Variants in CLASP2 observed in about 807,000 individuals in gnomAD.
CLASP2 encodes CLIP-associating protein 2.
In CLASP2, 47 loss-of-function variants were observed where a neutral mutation model predicts 194.4. That is an observed-to-expected ratio of 0.24 (90% CI 0.19 to 0.31). The LOEUF (loss-of-function observed/expected upper bound fraction) is 0.31, where lower values mean the gene tolerates loss of function less well. CLASP2 is among the 10% of genes least tolerant of loss of function. CLASP2 has a pLI of 1.00. For missense variants in CLASP2, 1,445 were observed against 1,823.6 expected, an observed-to-expected ratio of 0.79 and a Z score of 3.78; for synonymous variants, 619 against 633.5, an observed-to-expected ratio of 0.98 and a Z score of 0.34.
At chr3:33,513,924 T>C (rs571718385) in intron 36 of CLASP2, among the ~76,000 whole-genome samples, 1 of 152,238 alleles carries the variant, frequency 6.6e-6, no homozygotes, top group Non-Finnish European at 1.5e-5. Flanking sequence ...TCCCATTCTA[T>C]GAGTTGCCTT....
At chr3:33,555,254 A>T (rs2060717816) in intron 29 of CLASP2, among the ~76,000 whole-genome samples, 1 of 152,202 alleles carries the variant, frequency 6.6e-6, no homozygotes, top group South Asian at 2.1e-4. Context: ...ATTGCAAAAA[A>T]ACAAAAGTTG....
chr3:33,530,078 T>C (rs145612999), intron 34 of CLASP2, among the ~76,000 whole-genome samples: 2 of 143,808 alleles, frequency 1.4e-5, no homozygotes, highest in African/African-American at 5.1e-5. Flanking sequence ...TCTTGTGGAA[T>C]ACCTCCTGAA....
At position 33,538,010 on chromosome 3, in the gene CLASP2, G is replaced by A. The variant is rs556909864; in HGVS notation, c.3558+779C>T. Among the ~76,000 whole-genome samples the A allele has an allele frequency of 1.7e-4, 26 of 152,192 alleles. No homozygotes were observed. The East Asian group carries it at 3.7e-3, about 22-fold the overall frequency. On this transcript the variant is annotated intron_variant, in intron 33 of 38. Transcript: ENST00000682230. Reference sequence around the variant, plus strand: ...CAACAAATTAGCCGGGCATGGTGGCGGGCGCCTGTAGTCCCAGCTACTCAG... The same window carrying A: ...CAACAAATTAGCCGGGCATGGTGGCAGGCGCCTGTAGTCCCAGCTACTCAG...
intron 21 of CLASP2, among the ~76,000 whole-genome samples, chr3:33,587,812 C>T (rs1478291186): frequency 1.3e-5 from 2 of 152,190 alleles, no homozygotes; most frequent in Non-Finnish European, 1.5e-5. Flanking sequence ...CATGCCACAA[C>T]TCACAATGCA....
chr3:33,662,308 C>T (rs1013334379), intron 7 of CLASP2, among the ~76,000 whole-genome samples: 1 of 152,162 alleles, frequency 6.6e-6, no homozygotes, highest in African/African-American at 2.4e-5. Context: ...CACAAACGAT[C>T]ATGTTATGAA....
At position 33,584,860 on chromosome 3, in the gene CLASP2, C is replaced by A; in HGVS notation, c.2129G>T (p.Ser710Ile). 6.2e-7 allele frequency: 1 copy of A among 1,613,902 alleles called. No individual in the cohort carries two copies. The highest frequency in any genetic ancestry group is 1.1e-5 in the South Asian group (1 of 91,084). ...GACCAGGACTCTTTGAACACCAGAG[C>A]TCACAGTGGACAGGGCTGTTGTGGT... ...VLTTTALSTV[S>I]SGVQRVLVNS... Residue 710 changes from serine (S) to isoleucine (I), a missense_variant, in exon 22 of 39, where the codon AGC (serine) becomes ATC (isoleucine). Around this residue, in one of 4 missense-constraint regions of CLASP2, gnomAD observed 732 missense variants for 987.9 expected, o/e 0.74. Transcript: ENST00000682230.
At chr3:33,545,766 C>T (rs1486016239) in intron 30 of CLASP2, among the ~76,000 whole-genome samples, 1 of 151,866 alleles carries the variant, frequency 6.6e-6, no homozygotes, top group East Asian at 1.9e-4. Context: ...AAAAACTAGC[C>T]GGGTGTGGTG....
At chr3:33,635,221 G>A (rs556179820) in intron 8 of CLASP2, among the ~76,000 whole-genome samples, 5 of 151,852 alleles carry the variant, frequency 3.3e-5, no homozygotes, top group East Asian at 1.9e-4. Context: ...AACTGAGATC[G>A]TGCCACTGCA....
At chr3:33,597,731 T>C (rs1455276519) in intron 18 of CLASP2, among the ~76,000 whole-genome samples, 4 of 151,644 alleles carry the variant, frequency 2.6e-5, no homozygotes, top group Non-Finnish European at 4.4e-5. Context: ...ACATGTTGCA[T>C]TGCTGTATTT....
Position 33,709,048 on chromosome 3 carries a change from T to C in CLASP2, c.195+8760A>G, listed in dbSNP as rs182480408. Among the ~76,000 whole-genome samples the C allele has an allele frequency of 2.0e-5, 3 of 152,318 alleles. No individual in the cohort carries two copies. In the East Asian group the frequency reaches 5.8e-4, roughly 29 times the overall value. ...TTTGCCAGTATTTTCTCCCATTCAG[T>C]AGAATGCCATTTTGTTTTGTTGATT... On this transcript the variant is annotated intron_variant, in intron 1 of 38. Transcript: ENST00000682230.
chr3:33,602,629 A>G, intron 18 of CLASP2: 1 of 735,032 alleles, frequency 1.4e-6, no homozygotes, highest in Non-Finnish European at 2.5e-6. Flanking sequence ...AAAACAGGAA[A>G]GTTAGATACA....
intron 6 of CLASP2, among the ~76,000 whole-genome samples, chr3:33,676,323 GC>G (rs2088621971): frequency 6.6e-6 from 1 of 150,880 alleles, no homozygotes; most frequent in Non-Finnish European, 1.5e-5. Flanking sequence ...AGAAAAACAA[GC>G]AATGGGGAAA....
chr3:33,717,900 G>A lies in CLASP2; in HGVS notation c.103C>T (p.Pro35Ser). The change falls in exon 1 of 39, where the codon CCC becomes TCC. Residue 35 changes from proline to serine, a missense_variant. Pro to Ser is a moderately conservative substitution (Grantham distance 74). Around this residue, in one of 4 missense-constraint regions of CLASP2, gnomAD observed 332 missense variants for 325.3 expected, o/e 1.02. Transcript: ENST00000682230. ...GQELLLYLGA[P>S]GAISDLEEDL... ...TCCTCCAGGTCCGAGATGGCGCCGG[G>A]GGCGCCAAGGTAGAGCAGGAGCTCC... is the stretch of plus-strand genomic sequence containing the variant. 7.1e-6 allele frequency: 11 copies of A among 1,555,138 alleles called. No homozygotes were observed. Among genetic ancestry groups the A allele is most frequent in the Non-Finnish European group, 9.6e-6 (11 of 1,150,020 alleles).
chr3:33,549,949 C>T (rs1393983055), intron 30 of CLASP2, among the ~76,000 whole-genome samples: 1 of 151,936 alleles, frequency 6.6e-6, no homozygotes, highest in Non-Finnish European at 1.5e-5. Flanking sequence ...GTTGCTCAGG[C>T]TGGGCTCAAG....
intron 20 of CLASP2, 48 bp from the exon 21 acceptor site, chr3:33,592,544 T>C (rs2069044168): frequency 7.2e-7 from 1 of 1,396,508 alleles, no homozygotes; most frequent in Non-Finnish European, 9.9e-7. Flanking sequence ...TCTATAATAA[T>C]GTTTAATAAT....
chr3:33,634,239 T>A (rs558691485), intron 8 of CLASP2, among the ~76,000 whole-genome samples: 1 of 152,220 alleles, frequency 6.6e-6, no homozygotes, highest in Admixed American at 6.5e-5. Context: ...CTAAACTGTG[T>A]ACCTAGCAAA....
intron 6 of CLASP2, among the ~76,000 whole-genome samples, chr3:33,681,999 C>T (rs1012819783): frequency 2.0e-5 from 3 of 152,160 alleles, no homozygotes; most frequent in Non-Finnish European, 4.4e-5. Flanking sequence ...CTGCAAACAC[C>T]ACCTCCTCAT....
chr3:33,576,741 G>T (rs9856431), intron 23 of CLASP2, among the ~76,000 whole-genome samples: 6,635 of 152,156 alleles, frequency 0.044, 472 homozygotes, highest in African/African-American at 0.15. Flanking sequence ...CAAGATAAGT[G>T]GGTTTTATTC....
At chr3:33,545,376 A>G (rs2154150333) in intron 30 of CLASP2, among the ~76,000 whole-genome samples, 1 of 152,348 alleles carries the variant, frequency 6.6e-6, no homozygotes, top group East Asian at 1.9e-4. Flanking sequence ...ATAGAGACTT[A>G]ATTAAGGAGA....
Sources: allele counts gnomAD v4.1 joint callset (sites outside exome capture counted in the v4.1 genomes callset), GRCh38; gene constraint gnomAD v4.1.1; regional missense constraint gnomAD v4.1.1; transcripts MANE v1.5; gene names NCBI Gene and HGNC (gene_info 2026-07-23, HGNC 2026-07-21).